Variants in RYR1 observed in about 807,000 individuals in gnomAD.
RYR1 encodes the protein central core disease of muscle.
In RYR1, 342 loss-of-function variants were observed where a neutral mutation model predicts 583.5. That is an observed-to-expected ratio of 0.59 (90% confidence interval 0.54 to 0.64). The LOEUF (loss-of-function observed/expected upper bound fraction) is 0.64, where lower values mean the gene tolerates loss of function less well. Ranked by LOEUF, RYR1 falls within the 30% of genes least tolerant of loss-of-function variation. The pLI is 0.00. For synonymous variants in RYR1, 2,791 were observed against 2,822.5 expected, an observed-to-expected ratio of 0.99 and a Z score of 0.35; for missense variants, 6,032 against 6,917.2, an observed-to-expected ratio of 0.87 and a Z score of 4.54.
rs1859767076 is a variant in RYR1 at position 38,490,563 on chromosome 19, C to T, written c.6016-58C>T. 7 of 1,111,900 alleles carry T rather than the reference C, an allele frequency of 6.3e-6. No individual in the cohort carries two copies. In the Admixed American group the frequency reaches 1.2e-4, roughly 19 times the overall value. 68.9% of individuals were successfully genotyped at this position (1,111,900 alleles called of 1,614,324 possible). ...AACAATTGCATCTTCTATCTCTGAT[C>T]TCAGAGTTCCTGCTTTGGGATCTCA... is the stretch of plus-strand genomic sequence containing the variant. On this transcript the variant is annotated intron_variant, in intron 36 of 105. Transcript: ENST00000359596.
At chr19:38,464,617 G>A (rs568601819) in intron 22 of RYR1, 22 bp from the exon 23 acceptor site, 32 of 1,560,242 alleles carry the variant, frequency 2.1e-5, no homozygotes, top group East Asian at 9.5e-5. Flanking sequence ...GTGACCTGTC[G>A]CCTCCACTCC....
Position 38,505,358 on chromosome 19 carries a change from C to T in RYR1, c.8360C>T (p.Thr2787Ile), listed in dbSNP as rs35180584. The change falls in exon 53 of 106, where the codon ACC becomes ATC. Residue 2787 changes from threonine (T) to isoleucine (I), a missense_variant. Physicochemically the swap from Thr to Ile is moderately conservative, Grantham distance 89 (BLOSUM62 -1). This residue lies in a region of RYR1 where 1,493 missense variants were observed against 1,715.5 expected (regional missense o/e 0.87). Transcript: ENST00000359596. ...GAGAACATAGACGAGGAGCTGAAGA[C>T]CCACCCCATGCTGAGGCCCTACAAG... Reference protein sequence around the residue: ...YGENIDEELKTHPMLRPYKTF... With the variant: ...YGENIDEELKIHPMLRPYKTF... 1.9e-6 allele frequency: 3 copies of T among 1,612,274 alleles called. No individual in the cohort carries two copies. Among genetic ancestry groups the T allele is most frequent in the Non-Finnish European group, 2.5e-6 (3 of 1,179,308 alleles).
chr19:38,586,336 TG>T, intron 104 of RYR1, 145 bp downstream of exon 104: 2 of 1,105,502 alleles, frequency 1.8e-6, no homozygotes, highest in Non-Finnish European at 1.3e-6. Flanking sequence ...AAGGTAAGGG[TG>T]GGGCCCCGCA....
chr19:38,460,165 C>A (rs891390948), intron 19 of RYR1, among the ~76,000 whole-genome samples: 2 of 152,146 alleles, frequency 1.3e-5, no homozygotes, highest in Non-Finnish European at 2.9e-5. Context: ...CTCTCAACTC[C>A]CTGGCTCTTA....
chr19:38,489,937 G>A (rs1031692500), intron 35 of RYR1, 139 bp from the exon 36 acceptor site: 1 of 880,096 alleles, frequency 1.1e-6, no homozygotes, highest in Non-Finnish European at 1.8e-6. Context: ...AGGAAGGCAG[G>A]CTTAAGGTTC....
At position 38,548,219 on chromosome 19, in the gene RYR1, G is replaced by A; in HGVS notation, c.12095-14G>A. 1.2e-6 allele frequency: 2 copies of A among 1,613,996 alleles called. No homozygotes were observed. The highest frequency in any genetic ancestry group is 1.7e-6 in the Non-Finnish European group (2 of 1,180,010). ...GAGTGTTCACCGGCCACACTGACCTGGGGCTGCCTGCAGGGAACGTGGTGA... is the reference window on the plus strand; with the variant it reads ...GAGTGTTCACCGGCCACACTGACCTAGGGCTGCCTGCAGGGAACGTGGTGA... On this transcript the variant is annotated splice_polypyrimidine_tract_variant and intron_variant, in intron 88 of 105. Coordinates refer to ENST00000359596, the MANE Select transcript of RYR1 (RefSeq NM_000540.3).
At position 38,525,497 on chromosome 19, in the gene RYR1, G is replaced by A. The variant is rs376338203; in HGVS notation, c.10621G>A (p.Ala3541Thr). The change falls in exon 71 of 106, where the codon GCC becomes ACC. Residue 3541 changes from alanine (A) to threonine (T), a missense_variant. Around this residue, in one of 11 missense-constraint regions of RYR1, gnomAD observed 1,493 missense variants for 1,715.5 expected, o/e 0.87. Coordinates refer to ENST00000359596, the MANE Select transcript of RYR1 (RefSeq NM_000540.3). The stretch of plus-strand genomic sequence containing the variant: ...CATCACGCTGGCCAAGACCCGTTAC[G>A]CCCTGGTGCCTGCCCAGCCCCGTCC... Reference protein sequence around the residue: ...DLITLAKTRYALKDTDEEVRE... With the variant: ...DLITLAKTRYTLKDTDEEVRE... 17 of 1,613,522 alleles carry A rather than the reference G, an allele frequency of 1.1e-5. No homozygotes were observed. Among genetic ancestry groups the A allele is most frequent in the African/African-American group, 4.0e-5 (3 of 74,792 alleles).
Position 38,496,549 on chromosome 19 carries a change from C to A in RYR1, c.6796+8C>A. On this transcript the variant is annotated splice_region_variant and intron_variant, in intron 41 of 105. Coordinates refer to ENST00000359596, the MANE Select transcript of RYR1 (RefSeq NM_000540.3). The surrounding 1 kb of genome is among the most constrained non-coding windows in gnomAD (Gnocchi z 4.8). ...ACAGTGGCATCGGCCTGGGTGAGAA[C>A]CCCCGAGCCCAGGGGCTGTCCCCCA... 1.2e-6 allele frequency: 2 copies of A among 1,613,162 alleles called. No homozygotes were observed. Among genetic ancestry groups the A allele is most frequent in the South Asian group, 1.1e-5 (1 of 91,080 alleles).
intron 27 of RYR1, among the ~76,000 whole-genome samples, 163 bp downstream of exon 27, chr19:38,469,676 C>A (rs1226488090): frequency 1.3e-5 from 2 of 152,130 alleles, no homozygotes; most frequent in East Asian, 1.9e-4. Flanking sequence ...CCGGGTGTAA[C>A]TTTGGCAAAC....
chr19:38,451,658 A>G, intron 11 of RYR1, 106 bp from the exon 12 acceptor site: 1 of 1,329,878 alleles, frequency 7.5e-7, no homozygotes, highest in East Asian at 2.3e-5. Flanking sequence ...GATTCTGCAG[A>G]GCAGGGAGGA....
chr19:38,479,554 T>G (rs1968909479), intron 31 of RYR1, among the ~76,000 whole-genome samples: 1 of 151,812 alleles, frequency 6.6e-6, no homozygotes, highest in Admixed American at 6.6e-5. Flanking sequence ...ACTATAGGCA[T>G]GCACCACCTT....
At chr19:38,436,860 GGGT>G in intron 1 of RYR1, among the ~76,000 whole-genome samples, 1 of 152,088 alleles carries the variant, frequency 6.6e-6, no homozygotes, top group South Asian at 2.1e-4. Flanking sequence ...TCCCTTTGGT[GGGT>G]GGTGACCTCT....
intron 30 of RYR1, among the ~76,000 whole-genome samples, chr19:38,478,175 C>T (rs765830578): frequency 1.3e-5 from 2 of 152,044 alleles, no homozygotes; most frequent in Non-Finnish European, 1.5e-5. Context: ...ATCTCATTCT[C>T]TCTCCTCCTG....
chr19:38,532,256 G>T (rs1971770191), intron 76 of RYR1, among the ~76,000 whole-genome samples: 1 of 151,942 alleles, frequency 6.6e-6, no homozygotes, highest in African/African-American at 2.4e-5. Flanking sequence ...CGAGTAGCTG[G>T]GATTACAGGC....
chr19:38,503,004 A>G (rs1323366264), intron 49 of RYR1, 34 bp downstream of exon 49: 1 of 1,596,986 alleles, frequency 6.3e-7, no homozygotes, highest in East Asian at 2.2e-5. Flanking sequence ...TCTCATTTCC[A>G]GGCCGCACCC....
chr19:38,550,746 A>G (rs544256016), intron 89 of RYR1, among the ~76,000 whole-genome samples: 1 of 152,228 alleles, frequency 6.6e-6, no homozygotes, highest in African/African-American at 2.4e-5. Flanking sequence ...GGGCTCCACA[A>G]TGAAGTTACT....
rs1405487173 is a variant in RYR1 at position 38,455,494 on chromosome 19, C to T, written c.1620C>T (p.Ser540=). 12 of 1,614,158 alleles carry T rather than the reference C, an allele frequency of 7.4e-6. No homozygotes were observed. Among genetic ancestry groups the T allele is most frequent in the Non-Finnish European group, 7.6e-6 (9 of 1,180,026 alleles). The change falls in exon 15 of 106, where the codon TCC becomes TCT. Residue 540 remains serine, a synonymous_variant. Transcript: ENST00000359596. ...ATCGTAGCAACTGTGCCCTCTTCTC[C>T]ACAAACTTGGACTGGCTGGTCAGCA... The part of the protein sequence containing the change: ...RGNRSNCALF[S]TNLDWLVSKL...
At chr19:38,450,020 C>G (rs1445989645) in intron 11 of RYR1, among the ~76,000 whole-genome samples, 1 of 152,196 alleles carries the variant, frequency 6.6e-6, no homozygotes, top group Non-Finnish European at 1.5e-5. Flanking sequence ...GTGTGAGCCA[C>G]TGCTCCTGGC....
In RYR1 at chr19:38,499,882, C is replaced by T. The variant is rs373392392; in HGVS notation, c.7215-26C>T. 1.2e-6 allele frequency: 2 copies of T among 1,605,272 alleles called. No individual in the cohort carries two copies. Among genetic ancestry groups the T allele is most frequent in the East Asian group, 2.2e-5 (1 of 44,818 alleles). On this transcript the variant is annotated intron_variant, in intron 44 of 105. Coordinates refer to ENST00000359596, the MANE Select transcript of RYR1 (RefSeq NM_000540.3). This position sits in a 1 kb window ranked among gnomAD's most constrained non-coding sequence, Gnocchi z 7.3. ...CGCCCTCCCTGGCCCCTGGCTGCCT[C>T]CCCAACCCACCCACCTTCCCTGCAG...
Sources: gnomAD v4.1 joint callset for allele counts (sites outside exome capture counted in the v4.1 genomes callset) on GRCh38, gnomAD v4.1.1 for gene constraint, gnomAD v4.1.1 regional missense constraint, Gnocchi (gnomAD v3.1) non-coding constraint, MANE v1.5 for transcripts, NCBI Gene and HGNC (gene_info 2026-07-23, HGNC 2026-07-21) for gene names.